The following ADAMTSL1 variants were observed in gnomAD, a reference collection of about 807,000 sequenced individuals.
The protein encoded by ADAMTSL1 is ADAMTS-like protein 1.
In ADAMTSL1, 126 loss-of-function variants were observed where a neutral mutation model predicts 201.8. That is an observed-to-expected ratio of 0.62 (90% CI 0.54 to 0.72). ADAMTSL1 has a LOEUF of 0.72. Among genes scored for constraint, ADAMTSL1 ranks in the 30% least tolerant of loss-of-function variants. The pLI, the probability that ADAMTSL1 is intolerant of heterozygous loss-of-function variation, is 0.00. For synonymous variants in ADAMTSL1, 1,121 were observed against 903.4 expected, an observed-to-expected ratio of 1.24 and a Z score of -4.32; for missense variants, 2,679 against 2,277.8, an observed-to-expected ratio of 1.18 and a Z score of -3.59.
intron 2 of ADAMTSL1, among the ~76,000 whole-genome samples, chr9:18,365,097 A>G (rs1369876010): frequency 6.6e-6 from 1 of 152,176 alleles, no homozygotes; most frequent in Non-Finnish European, 1.5e-5. Context: ...GCTCCCGGAG[A>G]TAATGTACAA....
chr9:18,092,365 G>A (rs1268682624), intron 1 of ADAMTSL1, among the ~76,000 whole-genome samples: 1 of 152,172 alleles, frequency 6.6e-6, no homozygotes, highest in Non-Finnish European at 1.5e-5. Flanking sequence ...GGGTCATAAA[G>A]AATGAGTAGA....
chr9:17,966,007 A>C (rs1425326303), intron 1 of ADAMTSL1, among the ~76,000 whole-genome samples: 2 of 152,166 alleles, frequency 1.3e-5, no homozygotes, highest in Non-Finnish European at 2.9e-5. Context: ...TAAAGCAAAC[A>C]AGCAAACGAA....
chr9:18,543,883 T>C (rs77258162), intron 3 of ADAMTSL1, among the ~76,000 whole-genome samples: 9,227 of 152,186 alleles, frequency 0.061, 452 homozygotes, highest in African/African-American at 0.14. Context: ...ACACATTTCT[T>C]TTTTAATGCT....
chr9:18,842,050 T>G (rs1236928915), intron 23 of ADAMTSL1, among the ~76,000 whole-genome samples: 2 of 151,254 alleles, frequency 1.3e-5, no homozygotes, highest in Non-Finnish European at 3.0e-5. Context: ...AGTTCTGCTC[T>G]GATTTTAGTT....
At chr9:18,694,874 C>T (rs1388236896) in intron 13 of ADAMTSL1, among the ~76,000 whole-genome samples, 1 of 152,368 alleles carries the variant, frequency 6.6e-6, no homozygotes, top group East Asian at 1.9e-4. Flanking sequence ...TCTGTTCCTG[C>T]AACAGACTTC....
At chr9:18,508,981 G>A (rs937427782) in intron 2 of ADAMTSL1, among the ~76,000 whole-genome samples, 12 of 95,258 alleles carry the variant, frequency 1.3e-4, no homozygotes, top group Admixed American at 5.5e-4. Context: ...TCAGGAGATC[G>A]AGACCATCCT....
intron 2 of ADAMTSL1, among the ~76,000 whole-genome samples, chr9:18,206,801 A>G (rs1051472803): frequency 1.3e-5 from 2 of 152,136 alleles, no homozygotes; most frequent in African/African-American, 4.8e-5. Flanking sequence ...TGATCCCTAA[A>G]TTATCTAGAA....
chr9:18,661,027 A>G (rs1483067025), intron 8 of ADAMTSL1, among the ~76,000 whole-genome samples: 1 of 152,208 alleles, frequency 6.6e-6, no homozygotes, highest in Non-Finnish European at 1.5e-5. Flanking sequence ...GATTAGGGTA[A>G]GAATGATATA....
intron 1 of ADAMTSL1, among the ~76,000 whole-genome samples, chr9:17,973,096 T>C (rs562708287): frequency 1.7e-5 from 1 of 59,486 alleles, no homozygotes; most frequent in Admixed American, 2.1e-4. Flanking sequence ...TGCAAAAATT[T>C]TCTCCCATTC....
At position 18,908,069 on chromosome 9, in the gene ADAMTSL1, A is replaced by G. The variant is rs555309136; in HGVS notation, c.5183-373A>G. On this transcript the variant is annotated intron_variant, in intron 28 of 28. Coordinates refer to ENST00000380548, the MANE Select transcript of ADAMTSL1 (RefSeq NM_001040272.6). ...AGAGTCATTTACTTAAAATACCAAA[A>G]CCCACGGGAAAAGGCAGGTTTGCCT... is the stretch of plus-strand genomic sequence containing the variant. 7.7e-5 allele frequency: 21 copies of G among 273,516 alleles called. No homozygotes were observed. In the Admixed American group the frequency reaches 1.0e-3, roughly 14 times the overall value. The allele number at this position is 273,516 out of a possible 1,614,324, so 16.9% of individuals were successfully genotyped here. A position where few individuals can be genotyped will look rare whatever the true frequency, so the allele number is the denominator to read the frequency against.
At chr9:18,644,426 A>G (rs200645003) in intron 7 of ADAMTSL1, among the ~76,000 whole-genome samples, 106 of 151,642 alleles carry the variant, frequency 7.0e-4, no homozygotes, top group African/African-American at 2.6e-3. Flanking sequence ...TAGGGTACAT[A>G]TGCACAATGT....
At chr9:18,026,157 A>G (rs1413089382) in intron 1 of ADAMTSL1, among the ~76,000 whole-genome samples, 2 of 151,890 alleles carry the variant, frequency 1.3e-5, no homozygotes, top group Non-Finnish European at 2.9e-5. Flanking sequence ...CAGTAAAGAG[A>G]GATTATTTAC....
At chr9:18,518,041 G>T (rs1426667753) in intron 2 of ADAMTSL1, among the ~76,000 whole-genome samples, 1 of 151,418 alleles carries the variant, frequency 6.6e-6, no homozygotes, top group East Asian at 1.9e-4. Context: ...CTTCTCTCAC[G>T]AAATATTTGT....
chr9:18,791,224 C>A (rs766918824), intron 19 of ADAMTSL1, among the ~76,000 whole-genome samples: 20 of 152,152 alleles, frequency 1.3e-4, no homozygotes, highest in Non-Finnish European at 2.8e-4. Context: ...CTTTGCCTGG[C>A]GGTGCTTCCC....
At chr9:18,392,322 G>T (rs934488195) in intron 2 of ADAMTSL1, among the ~76,000 whole-genome samples, 1 of 152,166 alleles carries the variant, frequency 6.6e-6, no homozygotes. Flanking sequence ...TAATAAAGAG[G>T]CACTCACTAG....
chr9:17,985,663 C>A (rs536458665), intron 1 of ADAMTSL1, among the ~76,000 whole-genome samples: 1 of 152,176 alleles, frequency 6.6e-6, no homozygotes, highest in African/African-American at 2.4e-5. Context: ...GCATATATTA[C>A]ATAATTATAC....
At chr9:17,929,639 G>A (rs1416592070) in intron 1 of ADAMTSL1, among the ~76,000 whole-genome samples, 1 of 152,068 alleles carries the variant, frequency 6.6e-6, no homozygotes, top group Non-Finnish European at 1.5e-5. Flanking sequence ...TTACTTAAGG[G>A]ACTTTGCACA....
chr9:18,812,699 C>A (rs1823577666), intron 20 of ADAMTSL1, among the ~76,000 whole-genome samples: 1 of 152,046 alleles, frequency 6.6e-6, no homozygotes, highest in Non-Finnish European at 1.5e-5. Context: ...ATCTTTGATC[C>A]ATTTTTAATT....
chr9:18,656,636 A>G (rs141949507), intron 7 of ADAMTSL1, among the ~76,000 whole-genome samples: 1,786 of 151,522 alleles, frequency 0.012, 60 homozygotes, highest in African/African-American at 0.041. Flanking sequence ...CGCAAAAAAA[A>G]AAAAAAAAAG....
Sources: allele counts gnomAD v4.1 joint callset (sites outside exome capture counted in the v4.1 genomes callset), GRCh38; gene constraint gnomAD v4.1.1; transcripts MANE v1.5; gene names NCBI Gene and HGNC (gene_info 2026-07-23, HGNC 2026-07-21).